The following ST6GALNAC3 variants were observed in gnomAD, a reference collection of about 807,000 sequenced individuals.
ST6GALNAC3 encodes the protein ST6 N-acetylgalactosaminide alpha-2,6-sialyltransferase 3.
Under a neutral mutation model 32.7 loss-of-function variants are expected in ST6GALNAC3, and 25 were observed. That is an observed-to-expected ratio of 0.76 (90% confidence interval 0.56 to 1.07). The LOEUF is 1.07. Ranked by LOEUF, ST6GALNAC3 falls within the 50% of genes least tolerant of loss-of-function variation. ST6GALNAC3 has a pLI of 0.00. For missense variants in ST6GALNAC3, 355 were observed against 382.4 expected (o/e 0.93, Z 0.60); for synonymous variants, 129 against 133.1 (o/e 0.97, Z 0.21).
chr1:76,445,974 G>A (rs558246595), intron 3 of ST6GALNAC3, among the ~76,000 whole-genome samples: 115 of 152,152 alleles, frequency 7.6e-4, no homozygotes, highest in Non-Finnish European at 1.3e-3. Flanking sequence ...ATGCAGTTGG[G>A]AATTTATCTC....
intron 3 of ST6GALNAC3, among the ~76,000 whole-genome samples, chr1:76,605,867 A>T (rs1304536859): frequency 3.1e-5 from 3 of 97,204 alleles, no homozygotes; most frequent in Non-Finnish European, 4.7e-5. Flanking sequence ...TCCATAAAAA[A>T]AAAAAAAAAA....
chr1:76,308,811 T>C (rs541870879), intron 1 of ST6GALNAC3, among the ~76,000 whole-genome samples: 2 of 152,216 alleles, frequency 1.3e-5, no homozygotes, highest in East Asian at 1.9e-4. Context: ...TTTATATACA[T>C]TTATCCTTTC....
chr1:76,491,632 GAC>G (rs1660507005), intron 3 of ST6GALNAC3, among the ~76,000 whole-genome samples: 1 of 152,108 alleles, frequency 6.6e-6, no homozygotes, highest in African/African-American at 2.4e-5. Flanking sequence ...AACTCTAGGA[GAC>G]ACATCTGCCA....
At chr1:76,428,190 T>C (rs1655521973) in intron 3 of ST6GALNAC3, among the ~76,000 whole-genome samples, 1 of 152,080 alleles carries the variant, frequency 6.6e-6, no homozygotes, top group Non-Finnish European at 1.5e-5. Flanking sequence ...ATACGGTTCA[T>C]CAGCATCTTA....
At chr1:76,530,423 G>C (rs1224631854) in intron 3 of ST6GALNAC3, among the ~76,000 whole-genome samples, 1 of 152,198 alleles carries the variant, frequency 6.6e-6, no homozygotes. Flanking sequence ...CTTGAAAAAT[G>C]TGAGATTGGG....
chr1:76,132,421 C>T (rs965826199), intron 1 of ST6GALNAC3, among the ~76,000 whole-genome samples: 1 of 152,146 alleles, frequency 6.6e-6, no homozygotes, highest in Non-Finnish European at 1.5e-5. Flanking sequence ...CCGGTGAGCT[C>T]CCCTCTTCCT....
intron 2 of ST6GALNAC3, among the ~76,000 whole-genome samples, chr1:76,317,703 G>A (rs1358924641): frequency 6.6e-6 from 1 of 152,108 alleles, no homozygotes; most frequent in Non-Finnish European, 1.5e-5. Flanking sequence ...CACCATGGCT[G>A]TTAATGATGG....
intron 2 of ST6GALNAC3, among the ~76,000 whole-genome samples, chr1:76,334,376 A>C (rs910980600): frequency 6.6e-6 from 1 of 152,102 alleles, no homozygotes; most frequent in Admixed American, 6.6e-5. Flanking sequence ...TGGAAATCAC[A>C]ACAGCATACA....
At chr1:76,378,942 G>A (rs918844179) in intron 2 of ST6GALNAC3, among the ~76,000 whole-genome samples, 1 of 152,128 alleles carries the variant, frequency 6.6e-6, no homozygotes, top group Non-Finnish European at 1.5e-5. Flanking sequence ...TGTCGCCCAG[G>A]CTGGAGTGCA....
chr1:76,439,415 G>T (rs906716296), intron 3 of ST6GALNAC3, among the ~76,000 whole-genome samples: 1 of 152,184 alleles, frequency 6.6e-6, no homozygotes, highest in East Asian at 1.9e-4. Context: ...TGTTTAAAAA[G>T]GTCCGGGGCT....
At chr1:76,529,293 C>T (rs576402038) in intron 3 of ST6GALNAC3, among the ~76,000 whole-genome samples, 46 of 152,210 alleles carry the variant, frequency 3.0e-4, no homozygotes, top group Non-Finnish European at 5.0e-4. Context: ...CTTCTTTAGT[C>T]GACCAAGTAT....
intron 1 of ST6GALNAC3, among the ~76,000 whole-genome samples, chr1:76,106,446 T>C (rs1647538510): frequency 6.6e-6 from 1 of 152,232 alleles, no homozygotes; most frequent in African/African-American, 2.4e-5. Context: ...TACTCAATGC[T>C]GCTGGGACTT....
chr1:76,350,025 ATTTAT>A (rs1398420631), intron 2 of ST6GALNAC3, among the ~76,000 whole-genome samples: 2 of 152,152 alleles, frequency 1.3e-5, no homozygotes, highest in African/African-American at 2.4e-5. Flanking sequence ...GGTATACAAG[ATTTAT>A]TTTATAATGT....
At chr1:76,414,434 A>T (rs1654474963) in intron 3 of ST6GALNAC3, among the ~76,000 whole-genome samples, 1 of 152,072 alleles carries the variant, frequency 6.6e-6, no homozygotes, top group Admixed American at 6.6e-5. Context: ...TTGGATAATA[A>T]AATGTTGATC....
chr1:76,499,890 G>A (rs374835072), intron 3 of ST6GALNAC3, among the ~76,000 whole-genome samples: 7 of 152,118 alleles, frequency 4.6e-5, no homozygotes, highest in African/African-American at 1.2e-4. Context: ...GTAAATAGCC[G>A]TAAATAGACA....
At chr1:76,522,857 G>C (rs1662634709) in intron 3 of ST6GALNAC3, among the ~76,000 whole-genome samples, 1 of 152,164 alleles carries the variant, frequency 6.6e-6, no homozygotes, top group Non-Finnish European at 1.5e-5. Flanking sequence ...TGATCTGTTG[G>C]TTCACATCAT....
At chr1:76,385,832 T>C (rs952944841) in intron 2 of ST6GALNAC3, among the ~76,000 whole-genome samples, 1 of 152,144 alleles carries the variant, frequency 6.6e-6, no homozygotes, top group East Asian at 1.9e-4. Flanking sequence ...TAAGTAGAGC[T>C]GCATAAATTA....
At chr1:76,525,833 G>A (rs190709010) in intron 3 of ST6GALNAC3, among the ~76,000 whole-genome samples, 13 of 70,852 alleles carry the variant, frequency 1.8e-4, no homozygotes, top group East Asian at 5.3e-4. Context: ...ATATATGACC[G>A]TTTTGCAGGG....
At chr1:76,092,773 A>G (rs544265058) in intron 1 of ST6GALNAC3, among the ~76,000 whole-genome samples, 31 of 152,330 alleles carry the variant, frequency 2.0e-4, no homozygotes, top group Non-Finnish European at 4.1e-4. Context: ...CTGCCTAGCC[A>G]AATTGTCCAA....
Sources: gnomAD v4.1 joint callset for allele counts (sites outside exome capture counted in the v4.1 genomes callset) on GRCh38, gnomAD v4.1.1 for gene constraint, MANE v1.5 for transcripts, NCBI Gene and HGNC (gene_info 2026-07-23, HGNC 2026-07-21) for gene names.